The following DPY19L1 variants were observed in gnomAD, a reference collection of about 807,000 sequenced individuals.
DPY19L1 encodes the protein dpy-19 like C-mannosyltransferase 1.
Under a neutral mutation model 96.9 loss-of-function variants are expected in DPY19L1, and 35 were observed. The observed-to-expected ratio is 0.36, with a 90% CI of 0.28 to 0.48. DPY19L1 has a LOEUF of 0.48. Among genes scored for constraint, DPY19L1 ranks in the 20% least tolerant of loss-of-function variants. The probability of loss-of-function intolerance (pLI) is 0.99; values close to 1 mark genes in which losing one functional copy is unlikely to be tolerated. For missense variants in DPY19L1, 521 were observed against 777.9 expected, an observed-to-expected ratio of 0.67 and a Z score of 3.93; for synonymous variants, 205 against 252.6, an observed-to-expected ratio of 0.81 and a Z score of 1.79.
intron 8 of DPY19L1, 90 bp from the exon 9 acceptor site, chr7:34,969,622 A>G (rs1784683617): frequency 1.7e-6 from 1 of 592,596 alleles, no homozygotes; most frequent in Non-Finnish European, 2.7e-6. Context: ...CTCGAAATAT[A>G]TATGATCTGG....
At chr7:34,991,286 G>C (rs1289269359) in intron 6 of DPY19L1, among the ~76,000 whole-genome samples, 1 of 152,210 alleles carries the variant, frequency 6.6e-6, no homozygotes, top group Non-Finnish European at 1.5e-5. Flanking sequence ...TGAGGCTGCA[G>C]AACACAAATC....
At chr7:34,999,264 C>G (rs1278440311) in intron 6 of DPY19L1, among the ~76,000 whole-genome samples, 1 of 152,082 alleles carries the variant, frequency 6.6e-6, no homozygotes, top group Non-Finnish European at 1.5e-5. Flanking sequence ...TAGAATAGCA[C>G]CAGACTTTTG....
chr7:34,962,322 T>C (rs1784517170), intron 10 of DPY19L1, among the ~76,000 whole-genome samples: 1 of 152,216 alleles, frequency 6.6e-6, no homozygotes, highest in Non-Finnish European at 1.5e-5. Flanking sequence ...ATTTGCTTTT[T>C]ACTAAGTGAA....
At chr7:34,954,258 C>T (rs529175605) in intron 13 of DPY19L1, among the ~76,000 whole-genome samples, 50 of 152,140 alleles carry the variant, frequency 3.3e-4, no homozygotes, top group Non-Finnish European at 5.7e-4. Flanking sequence ...ATAAGACTCA[C>T]TTGGATTACA....
At chr7:35,010,731 C>T (rs186987380) in intron 5 of DPY19L1, among the ~76,000 whole-genome samples, 170 bp from the exon 6 acceptor site, 27 of 152,176 alleles carry the variant, frequency 1.8e-4, no homozygotes, top group Non-Finnish European at 3.4e-4. Context: ...ATAGATGAGA[C>T]CAGGGTAATT....
intron 7 of DPY19L1, among the ~76,000 whole-genome samples, chr7:34,987,775 A>G (rs957104179): frequency 6.6e-6 from 1 of 152,058 alleles, no homozygotes; most frequent in African/African-American, 2.4e-5. Context: ...AGAAAAAAAT[A>G]GGGTCTGAAG....
At position 34,998,974 on chromosome 7, in the gene DPY19L1, G is replaced by A. The variant is rs139986158; in HGVS notation, c.765-9033C>T. On this transcript the variant is annotated intron_variant, in intron 6 of 21. Transcript: ENST00000638088. ...AAATAAAATAAGGGAGAAAAACCCT[G>A]AGAAAATTCGACTTCAAGAAGTCCA... 4.1e-3 allele frequency among the ~76,000 whole-genome samples: 622 copies of A among 152,300 alleles called. 34 individuals carry two copies. The South Asian group carries it at 0.11, about 26-fold the overall frequency.
intron 10 of DPY19L1, among the ~76,000 whole-genome samples, chr7:34,963,608 CGTGT>C (rs59835071): frequency 0.25 from 38,282 of 151,158 alleles, 5,084 homozygotes; most frequent in Non-Finnish European, 0.31. Flanking sequence ...TAAGCAAAAT[CGTGT>C]GTGTGTGTGT....
At chr7:34,936,691 G>A (rs1450838950) in intron 21 of DPY19L1, among the ~76,000 whole-genome samples, 1 of 152,158 alleles carries the variant, frequency 6.6e-6, no homozygotes. Flanking sequence ...AACATTTTCT[G>A]AATTATTACA....
chr7:35,027,134 G>A (rs892705421), intron 1 of DPY19L1, among the ~76,000 whole-genome samples: 2 of 152,072 alleles, frequency 1.3e-5, no homozygotes, highest in Non-Finnish European at 2.9e-5. Flanking sequence ...AATCCAGGAG[G>A]TGGAGGTTAC....
chr7:34,992,801 T>TAA (rs527895179), intron 6 of DPY19L1, among the ~76,000 whole-genome samples: 4 of 145,120 alleles, frequency 2.8e-5, no homozygotes, highest in African/African-American at 1.0e-4. Context: ...ATACTCTCTG[T>TAA]AAAAAAAAAA....
intron 10 of DPY19L1, 43 bp from the exon 11 acceptor site, chr7:34,958,113 CA>C: frequency 2.2e-6 from 3 of 1,386,252 alleles, no homozygotes; most frequent in Non-Finnish European, 2.9e-6. Context: ...GCACATAAAA[CA>C]AAAAACCTTT....
chr7:35,025,936 G>A (rs1786109660), intron 1 of DPY19L1, among the ~76,000 whole-genome samples: 1 of 152,168 alleles, frequency 6.6e-6, no homozygotes, highest in Admixed American at 6.5e-5. Context: ...GAGAAACCAA[G>A]CAAGTTTCAA....
At chr7:35,000,360 T>C (rs1348843081) in intron 6 of DPY19L1, 9 of 152,116 alleles carry the variant, frequency 5.9e-5, no homozygotes, top group South Asian at 4.1e-4. Context: ...AACTACCAGA[T>C]CATGCGAAGG....
intron 6 of DPY19L1, among the ~76,000 whole-genome samples, chr7:34,995,881 G>A (rs1251317913): frequency 3.7e-5 from 5 of 136,286 alleles, no homozygotes; most frequent in Non-Finnish European, 6.2e-5. Flanking sequence ...GCCTGGTTCA[G>A]AGCTGAGAAC....
rs75409149 is a variant in DPY19L1, at chr7:35,021,536, C to A, written c.299-2940G>T. Among the ~76,000 whole-genome samples the A allele has an allele frequency of 5.9e-3, 903 of 152,314 alleles. 10 individuals carry two copies. The highest frequency in any genetic ancestry group is 0.019 in the African/African-American group (802 of 41,562). On this transcript the variant is annotated intron_variant, in intron 1 of 21. Transcript: ENST00000638088. ...GGAGCTAACACTTGAATGCTTATTA[C>A]ACACCCAACACTTTATAAGTACTTT...
intron 13 of DPY19L1, among the ~76,000 whole-genome samples, chr7:34,952,935 G>A (rs1244398466): frequency 1.3e-5 from 2 of 152,104 alleles, no homozygotes; most frequent in Non-Finnish European, 2.9e-5. Flanking sequence ...GGGAGTCTGT[G>A]GCATTTTTAC....
At chr7:34,970,237 C>T (rs1784696206) in intron 8 of DPY19L1, among the ~76,000 whole-genome samples, 1 of 152,144 alleles carries the variant, frequency 6.6e-6, no homozygotes, top group Admixed American at 6.5e-5. Context: ...AGCTCAGATA[C>T]AGTAAAGACA....
intron 1 of DPY19L1, among the ~76,000 whole-genome samples, chr7:35,024,509 G>A (rs924738040): frequency 6.6e-6 from 1 of 152,048 alleles, no homozygotes; most frequent in Non-Finnish European, 1.5e-5. Flanking sequence ...AGTCAATTTC[G>A]AAACATACAC....
Sources: gnomAD v4.1 joint callset for allele counts (sites outside exome capture counted in the v4.1 genomes callset) on GRCh38, gnomAD v4.1.1 for gene constraint, MANE v1.5 for transcripts, NCBI Gene and HGNC (gene_info 2026-07-23, HGNC 2026-07-21) for gene names.